The following TGM3 variants were observed in gnomAD, a reference collection of about 807,000 sequenced individuals.
TGM3 encodes the protein transglutaminase 3.
TGM3 carries 52 observed loss-of-function variants against 73.8 expected under a neutral mutation model. The ratio of observed to expected loss-of-function variants is 0.70; its 90% confidence interval spans 0.56 to 0.89. The LOEUF (loss-of-function observed/expected upper bound fraction) is 0.89, where lower values mean the gene tolerates loss of function less well. TGM3 is among the 40% of genes least tolerant of loss of function. TGM3 has a pLI of 0.00. For synonymous variants in TGM3, 372 were observed against 354.9 expected (o/e 1.05, Z -0.54); for missense variants, 928 against 909.9 (o/e 1.02, Z -0.26).
rs1219368571 is a variant in TGM3 at position 2,335,190 on chromosome 20, A to T, written c.1717A>T (p.Thr573Ser). 6.2e-7 allele frequency: 1 copy of T among 1,614,258 alleles called. No individual in the cohort carries two copies. The stretch of plus-strand genomic sequence containing the variant: ...GAAGTCAGACAACATGATCCGGATC[A>T]CAGCGGTGTGCAAGGTCCCAGATGA... ...YLKSDNMIRI[T>S]AVCKVPDESE... Residue 573 changes from threonine (T) to serine (S), a missense_variant, in exon 11 of 13, where the codon ACA becomes TCA. Coordinates refer to ENST00000381458, the MANE Select transcript of TGM3 (RefSeq NM_003245.4).
chr20:2,320,473 C>CA (rs1332403336), intron 7 of TGM3, among the ~76,000 whole-genome samples: 6 of 152,234 alleles, frequency 3.9e-5, no homozygotes, highest in Non-Finnish European at 1.5e-5. Context: ...TGTAGACATT[C>CA]TAAGCGCATA....
intron 9 of TGM3, among the ~76,000 whole-genome samples, chr20:2,331,444 G>A (rs1429088382): frequency 2.0e-5 from 3 of 152,074 alleles, no homozygotes; most frequent in African/African-American, 7.2e-5. Flanking sequence ...TCATAACTTG[G>A]AACCACACCG....
chr20:2,328,387 C>T lies in TGM3; in HGVS notation c.1333+22C>T, dbSNP rs1370368434. The T allele has an allele frequency of 1.9e-6, 3 of 1,613,090 alleles. 1 individual carries two copies. The highest frequency in any genetic ancestry group is 2.5e-6 in the Non-Finnish European group (3 of 1,179,490). On this transcript the variant is annotated intron_variant, in intron 9 of 12. Coordinates refer to ENST00000381458, the MANE Select transcript of TGM3 (RefSeq NM_003245.4). The surrounding 1 kb of genome is among the most constrained non-coding windows in gnomAD (Gnocchi z 5.2). ...GAAGGTAGGAGGGACGCTGGCGGGG[C>T]AGTGCCGCGAGAGGTTCTATTGTGG...
chr20:2,313,320 G>C lies in TGM3; in HGVS notation c.669+294G>C, dbSNP rs930110790. Among the ~76,000 whole-genome samples the C allele has an allele frequency of 1.3e-5, 2 of 152,322 alleles. 1 individual carries two copies. Among genetic ancestry groups the C allele is most frequent in the East Asian group, 3.9e-4 (2 of 5,182 alleles). ...CCTTTCTCAGAGGAAAAGGGAGCTTGCTCTTTGAGTGCCTGCCAAGGATGG... is the reference window on the plus strand; with the variant it reads ...CCTTTCTCAGAGGAAAAGGGAGCTTCCTCTTTGAGTGCCTGCCAAGGATGG... On this transcript the variant is annotated intron_variant, in intron 5 of 12. Transcript: ENST00000381458.
intron 1 of TGM3, among the ~76,000 whole-genome samples, chr20:2,298,809 TAC>T (rs1491190025): frequency 3.9e-5 from 6 of 152,140 alleles, no homozygotes; most frequent in Non-Finnish European, 8.8e-5. Flanking sequence ...AGGCAATATC[TAC>T]TCTCTCTCTC....
At chr20:2,329,367 C>T (rs1364045821) in intron 9 of TGM3, among the ~76,000 whole-genome samples, 1 of 152,136 alleles carries the variant, frequency 6.6e-6, no homozygotes, top group Non-Finnish European at 1.5e-5. Flanking sequence ...GGGTGCCCCC[C>T]CAGGTGCTGG....
chr20:2,308,277 A>T (rs2084185251), intron 1 of TGM3, among the ~76,000 whole-genome samples: 1 of 152,202 alleles, frequency 6.6e-6, no homozygotes, highest in African/African-American at 2.4e-5. Flanking sequence ...AGAGAGATGG[A>T]CACAAATAAA....
At chr20:2,329,309 A>T (rs1302199261) in intron 9 of TGM3, among the ~76,000 whole-genome samples, 5 of 152,206 alleles carry the variant, frequency 3.3e-5, no homozygotes, top group Non-Finnish European at 4.4e-5. Flanking sequence ...GAGTTTACAA[A>T]AAAGGAAAGC....
chr20:2,312,408 A>AG (rs1190347150), intron 4 of TGM3, among the ~76,000 whole-genome samples: 1 of 150,290 alleles, frequency 6.7e-6, no homozygotes, highest in Non-Finnish European at 1.5e-5. Context: ...AAAAAAAAAA[A>AG]AAAAAAAAAA....
At chr20:2,338,343 C>T (rs1458237377) in intron 11 of TGM3, among the ~76,000 whole-genome samples, 2 of 151,042 alleles carry the variant, frequency 1.3e-5, no homozygotes, top group Non-Finnish European at 2.9e-5. Context: ...GAGTGGTAAG[C>T]GGCATTAAAA....
In TGM3 at chr20:2,332,161, A is replaced by T; in HGVS notation, c.1493A>T (p.Glu498Val). 1 of 1,614,206 alleles carries T rather than the reference A, an allele frequency of 6.2e-7. No homozygotes were observed. Among genetic ancestry groups the T allele is most frequent in the Non-Finnish European group, 8.5e-7 (1 of 1,180,028 alleles). The change falls in exon 10 of 13, where the codon GAA (glutamate) becomes GTA (valine). Residue 498 changes from glutamate (E) to valine (V), a missense_variant. Physicochemically the swap from Glu to Val is moderately radical, Grantham distance 121. Coordinates refer to ENST00000381458, the MANE Select transcript of TGM3 (RefSeq NM_003245.4). This position sits in a 1 kb window ranked among gnomAD's most constrained non-coding sequence, Gnocchi z 4.4. ...GCTGGCATGCTGGCAGTAGGCAAAG[A>T]AGTCAACCTGGTCCTACTGCTCAAA... ...KVAGMLAVGK[E>V]VNLVLLLKNL...
chr20:2,337,798 G>C (rs2084359305), intron 11 of TGM3, among the ~76,000 whole-genome samples: 1 of 151,824 alleles, frequency 6.6e-6, no homozygotes, highest in Admixed American at 6.6e-5. Flanking sequence ...CCTTCTTCCA[G>C]CATTATCTTT....
chr20:2,323,409 G>T (rs1439466969), intron 7 of TGM3, among the ~76,000 whole-genome samples: 2 of 152,158 alleles, frequency 1.3e-5, no homozygotes, highest in Admixed American at 1.3e-4. Flanking sequence ...ACAGCTGTTT[G>T]ATATCCCATT....
intron 7 of TGM3, among the ~76,000 whole-genome samples, chr20:2,319,369 G>A (rs1456410141): frequency 6.6e-6 from 1 of 152,166 alleles, no homozygotes; most frequent in South Asian, 2.1e-4. Context: ...ACGGGGTGGG[G>A]AGGCCACTAG....
At chr20:2,338,279 A>G (rs2422691) in intron 11 of TGM3, among the ~76,000 whole-genome samples, 30,938 of 152,114 alleles carry the variant, frequency 0.2, 3,909 homozygotes, top group East Asian at 0.41. Context: ...TCAGGTTTTT[A>G]GTGGCTTTTA....
At chr20:2,331,554 A>G (rs1003966600) in intron 9 of TGM3, among the ~76,000 whole-genome samples, 1 of 152,200 alleles carries the variant, frequency 6.6e-6, no homozygotes, top group Non-Finnish European at 1.5e-5. Context: ...TTTACCAAAA[A>G]AAATTTTTTA....
intron 5 of TGM3, among the ~76,000 whole-genome samples, chr20:2,316,271 T>C (rs2084232477): frequency 6.6e-6 from 1 of 152,204 alleles, no homozygotes; most frequent in Non-Finnish European, 1.5e-5. Context: ...AAGAAGTTAG[T>C]TGCTAAAGTT....
chr20:2,306,008 G>T (rs1400651170), intron 1 of TGM3, among the ~76,000 whole-genome samples: 1 of 152,174 alleles, frequency 6.6e-6, no homozygotes, highest in African/African-American at 2.4e-5. Context: ...TATTCTTCCT[G>T]CAGGTTTCCC....
In TGM3 at chr20:2,340,027, A is replaced by AGGGGGCGGGG. The variant is rs1170602903; in HGVS notation, c.1934+44_1934+53dup. The AGGGGGCGGGG allele has an allele frequency of 1.2e-4, 16 of 133,686 alleles. No homozygotes were observed. In the African/African-American group the frequency reaches 1.6e-3, roughly 14 times the overall value. 8.3% of individuals were successfully genotyped at this position (133,686 alleles called of 1,614,324 possible). ...TAAGTGGCCGGTGCAGGAGGGCGGGAGGGGGCGGGGGGGCCCTCCAGATCC... is the reference window on the plus strand; with the variant it reads ...TAAGTGGCCGGTGCAGGAGGGCGGGAGGGGGCGGGGGGGGGCGGGGGGGCCCTCCAGATCC... On this transcript the variant is annotated intron_variant, in intron 12 of 12. Transcript: ENST00000381458.
Sources: allele counts gnomAD v4.1 joint callset (sites outside exome capture counted in the v4.1 genomes callset), GRCh38; gene constraint gnomAD v4.1.1; non-coding constraint Gnocchi (gnomAD v3.1); transcripts MANE v1.5; gene names NCBI Gene and HGNC (gene_info 2026-07-23, HGNC 2026-07-21).